SBK1: variants seen among roughly 807,000 people sequenced by gnomAD.
SBK1 encodes the protein SH3 domain binding kinase 1.
SBK1 carries 11 observed loss-of-function variants against 24.4 expected under a neutral mutation model. The ratio of observed to expected loss-of-function variants is 0.45; its 90% CI spans 0.28 to 0.75. The LOEUF (loss-of-function observed/expected upper bound fraction) is 0.75. Ranked by LOEUF, SBK1 falls within the 30% of genes least tolerant of loss-of-function variation. The probability of loss-of-function intolerance (pLI) is 0.12; values close to 1 mark genes in which losing one functional copy is unlikely to be tolerated. For missense variants in SBK1, 467 were observed against 620.5 expected (o/e 0.75, Z 2.63); for synonymous variants, 308 against 284.4 (o/e 1.08, Z -0.83).
chr16:28,279,428 A>C (rs2044515851), intron 1 of SBK1, among the ~76,000 whole-genome samples: 1 of 150,882 alleles, frequency 6.6e-6, no homozygotes, highest in African/African-American at 2.4e-5. Context: ...AAAAAAAAAA[A>C]AAAAAACCAC....
At position 28,321,173 on chromosome 16, in the gene SBK1, C is replaced by T. The variant is rs995499193; in HGVS notation, c.*252C>T. ...CCGCACAGACCCGAGAATTCGGAGG[C>T]CACCACACAACACACACACACACAC... On this transcript the variant is annotated 3_prime_UTR_variant, in exon 4 of 4. Transcript: ENST00000341901. 4.4e-5 allele frequency: 13 copies of T among 295,888 alleles called. No individual in the cohort carries two copies. Among genetic ancestry groups the T allele is most frequent in the African/African-American group, 3.2e-4 (13 of 40,310 alleles). 18.3% of individuals were successfully genotyped at this position (295,888 alleles called of 1,614,324 possible). A position where few individuals can be genotyped will look rare whatever the true frequency, so the allele number is the denominator to read the frequency against.
chr16:28,314,376 C>T (rs2044777413), intron 1 of SBK1, among the ~76,000 whole-genome samples: 2 of 143,982 alleles, frequency 1.4e-5, no homozygotes, highest in South Asian at 4.4e-4. Context: ...AGGCCGGTCT[C>T]ACACTCCTGG....
chr16:28,276,038 C>A (rs1413407227), intron 1 of SBK1, among the ~76,000 whole-genome samples: 1 of 152,200 alleles, frequency 6.6e-6, no homozygotes, highest in African/African-American at 2.4e-5. Context: ...CCTTCTGCCA[C>A]TGAAGCGGAT....
rs933049121 is a variant in SBK1, at chr16:28,321,062, GGTCC to G, written c.*146_*149del. ...CTAGGCAGGACGCGGCCCGGCACCT[GGTCC>G]GTCCCCGGCGGGCTGGTGAGGGGGC... On this transcript the variant is annotated 3_prime_UTR_variant, in exon 4 of 4. Transcript: ENST00000341901. 1 of 793,622 alleles carries G rather than the reference GGTCC, an allele frequency of 1.3e-6. No individual in the cohort carries two copies. The highest frequency in any genetic ancestry group is 1.9e-5 in the African/African-American group (1 of 52,866). 49.2% of individuals were successfully genotyped at this position (793,622 alleles called of 1,614,324 possible). A position where few individuals can be genotyped will look rare whatever the true frequency, so the allele number is the denominator to read the frequency against.
rs1020098086 is a variant in SBK1, at chr16:28,293,315, G to A, written c.-8+15G>A. On this transcript the variant is annotated intron_variant, in intron 1 of 3. Coordinates refer to ENST00000341901, the MANE Select transcript of SBK1 (RefSeq NM_001024401.3). ...CCCCAGCCCAGGTAAGCCGGGCCCA[G>A]GTGAGGGGCGGCAGGTGAGTGGCCA... 1.2e-5 allele frequency: 12 copies of A among 983,776 alleles called. No individual in the cohort carries two copies. Among genetic ancestry groups the A allele is most frequent in the Non-Finnish European group, 1.4e-5 (12 of 828,510 alleles). 60.9% of individuals were successfully genotyped at this position (983,776 alleles called of 1,614,324 possible). A position where few individuals can be genotyped will look rare whatever the true frequency, so the allele number is the denominator to read the frequency against.
rs897951457 is a variant in SBK1, at chr16:28,259,901, C to T, written c.257+399C>T. On this transcript the variant is annotated intron_variant, in intron 1 of 3. Coordinates refer to the SBK1 transcript ENST00000671413. The surrounding 1 kb of genome is among the most constrained non-coding windows in gnomAD (Gnocchi z 6.0). ...CTCCAGTGAAACTCTGCCCAGACTTCTCTTCCCCCATTCTCCTCCATCCAG... is the reference window on the plus strand; with the variant it reads ...CTCCAGTGAAACTCTGCCCAGACTTTTCTTCCCCCATTCTCCTCCATCCAG... Among the ~76,000 whole-genome samples, 5 of 152,150 alleles carry T rather than the reference C, an allele frequency of 3.3e-5. No individual in the cohort carries two copies. Among genetic ancestry groups the T allele is most frequent in the African/African-American group, 9.7e-5 (4 of 41,444 alleles).
intron 1 of SBK1, among the ~76,000 whole-genome samples, chr16:28,294,814 C>T (rs373674335): frequency 3.2e-4 from 48 of 152,342 alleles, no homozygotes; most frequent in African/African-American, 1.0e-3. Context: ...GCACTTGATG[C>T]GGGCAGACCT....
rs184791394 is a variant in SBK1 at position 28,267,200 on chromosome 16, C to A, written c.257+7698C>A. On this transcript the variant is annotated intron_variant, in intron 1 of 3. Coordinates refer to the SBK1 transcript ENST00000671413. The stretch of plus-strand genomic sequence containing the variant: ...GGGATTCCAGGCTTGAGCCACTGCA[C>A]CTAGCCTAATTTTTAATTTTTTATA... Among the ~76,000 whole-genome samples the A allele has an allele frequency of 9.2e-4, 140 of 152,216 alleles. 1 individual carries two copies. Among genetic ancestry groups the A allele is most frequent in the African/African-American group, 3.3e-3 (139 of 41,528 alleles).
At chr16:28,283,447 G>A (rs1459039135) in intron 1 of SBK1, among the ~76,000 whole-genome samples, 2 of 152,138 alleles carry the variant, frequency 1.3e-5, no homozygotes, top group Non-Finnish European at 2.9e-5. Context: ...CCTCCTCTGA[G>A]GGGTTCTTCC....
chr16:28,292,431 G>C (rs1364699965), upstream of SBK1: 2 of 662,014 alleles, frequency 3.0e-6, no homozygotes, highest in Admixed American at 6.5e-5. Context: ...CGCGCCGAGC[G>C]GGACGGACAA....
chr16:28,284,129 T>A (rs2044550550), intron 1 of SBK1, among the ~76,000 whole-genome samples: 1 of 152,204 alleles, frequency 6.6e-6, no homozygotes, highest in South Asian at 2.1e-4. Flanking sequence ...TGTCTTCCTG[T>A]CTCACCCACC....
chr16:28,303,507 C>CT (rs143613970), intron 1 of SBK1, among the ~76,000 whole-genome samples: 1,163 of 58,082 alleles, frequency 0.02, 64 homozygotes, highest in Middle Eastern at 0.033. Flanking sequence ...CTTTTCTTTT[C>CT]TTTTTTTTTT....
chr16:28,298,991 G>A (rs1490617790), intron 1 of SBK1, among the ~76,000 whole-genome samples: 2 of 152,218 alleles, frequency 1.3e-5, no homozygotes, highest in Non-Finnish European at 2.9e-5. Context: ...GACTTTCTGA[G>A]CCAGGGCTCA....
upstream of SBK1, chr16:28,291,056 A>C (rs2044595752): frequency 6.6e-6 from 1 of 152,208 alleles, no homozygotes; most frequent in Non-Finnish European, 1.5e-5. Context: ...CTGCGCCTGT[A>C]GGTACTTGCG....
chr16:28,277,859 A>C (rs1597012979), intron 1 of SBK1, among the ~76,000 whole-genome samples: 2 of 152,222 alleles, frequency 1.3e-5, no homozygotes, highest in South Asian at 4.1e-4. Context: ...ACTACGGCGA[A>C]ACGGCCACTA....
At chr16:28,273,520 G>C (rs1025505713) in intron 1 of SBK1, among the ~76,000 whole-genome samples, 3 of 152,032 alleles carry the variant, frequency 2.0e-5, no homozygotes, top group Non-Finnish European at 4.4e-5. Flanking sequence ...CACCATGCCC[G>C]GCCATAGGTT....
In SBK1 at chr16:28,323,327, A is replaced by C. The variant is rs986364611; in HGVS notation, c.*2406A>C. The C allele has an allele frequency of 3.3e-5, 5 of 152,498 alleles. No homozygotes were observed. The highest frequency in any genetic ancestry group is 1.2e-4 in the African/African-American group (5 of 41,368). 9.4% of individuals were successfully genotyped at this position (152,498 alleles called of 1,614,324 possible). On this transcript the variant is annotated 3_prime_UTR_variant, in exon 4 of 4. Transcript: ENST00000341901. ...TAGACATGAAGACTTAGAAGACAAA[A>C]AAAAAAAAATCACACAAAAAATCTC... is the stretch of plus-strand genomic sequence containing the variant.
In SBK1 at chr16:28,320,772, C is replaced by A; in HGVS notation, c.1126C>A (p.Pro376Thr). ...APPAVGSVPL[P>T]VPVPVPVPVP... Reference sequence around the variant, plus strand: ...CCCCGCCGTCGGGTCGGTGCCCTTGCCCGTGCCGGTGCCGGTGCCAGTGCC... The same window carrying A: ...CCCCGCCGTCGGGTCGGTGCCCTTGACCGTGCCGGTGCCGGTGCCAGTGCC... Residue 376 changes from proline (P) to threonine (T), a missense_variant, in exon 4 of 4, where the codon CCC (proline) becomes ACC (threonine). This residue lies in a region of SBK1 where 166 missense variants were observed against 146.8 expected (regional missense o/e 1.13). Transcript: ENST00000341901. This position sits in a 1 kb window ranked among gnomAD's most constrained non-coding sequence, Gnocchi z 8.5. The A allele has an allele frequency of 2.1e-6, 3 of 1,397,352 alleles. No homozygotes were observed. The highest frequency in any genetic ancestry group is 2.8e-6 in the Non-Finnish European group (3 of 1,070,366). The allele number at this position is 1,397,352 out of a possible 1,614,324, so 86.6% of individuals were successfully genotyped here. A position where few individuals can be genotyped will look rare whatever the true frequency, so the allele number is the denominator to read the frequency against.
intron 1 of SBK1, among the ~76,000 whole-genome samples, chr16:28,310,260 C>T (rs1156682668): frequency 1.3e-5 from 2 of 152,216 alleles, no homozygotes; most frequent in African/African-American, 2.4e-5. Flanking sequence ...GACAGCCCGG[C>T]GTGAACAGAG....
Sources: allele counts gnomAD v4.1 joint callset (sites outside exome capture counted in the v4.1 genomes callset), GRCh38; gene constraint gnomAD v4.1.1; regional missense constraint gnomAD v4.1.1; non-coding constraint Gnocchi (gnomAD v3.1); transcripts MANE v1.5; gene names NCBI Gene and HGNC (gene_info 2026-07-23, HGNC 2026-07-21).